Variants in MCF2L observed in about 807,000 individuals in gnomAD.
The protein encoded by MCF2L is MCF.2 cell line derived transforming sequence like.
MCF2L carries 97 observed loss-of-function variants against 153.4 expected under a neutral mutation model. That is an observed-to-expected ratio of 0.63 (90% CI 0.54 to 0.75). The LOEUF (loss-of-function observed/expected upper bound fraction) is 0.75. Among genes scored for constraint, MCF2L ranks in the 30% least tolerant of loss-of-function variants. MCF2L has a pLI of 0.00. For synonymous variants in MCF2L, 659 were observed against 632.2 expected (o/e 1.04, Z -0.64); for missense variants, 1,347 against 1,495.2 (o/e 0.90, Z 1.64).
intron 17 of MCF2L, among the ~76,000 whole-genome samples, chr13:113,082,938 G>A (rs1377316349): frequency 6.6e-6 from 1 of 152,140 alleles, no homozygotes; most frequent in African/African-American, 2.4e-5. Context: ...GTCACCGAAG[G>A]CCATACCACA....
chr13:112,896,777 G>T (rs999508841), intron 1 of MCF2L, among the ~76,000 whole-genome samples: 1 of 152,228 alleles, frequency 6.6e-6, no homozygotes, highest in Non-Finnish European at 1.5e-5. Flanking sequence ...CAGGTGCACG[G>T]CTCTGGGCTG....
chr13:113,023,952 C>T (rs955031142), intron 2 of MCF2L, among the ~76,000 whole-genome samples: 3 of 152,230 alleles, frequency 2.0e-5, no homozygotes, highest in Non-Finnish European at 4.4e-5. Flanking sequence ...TGTTCTGAGT[C>T]CCAAGCTCAC....
At position 113,087,714 on chromosome 13, in the gene MCF2L, C is replaced by T. The variant is rs1265393249; in HGVS notation, c.2603C>T (p.Ala868Val). Residue 868 changes from alanine to valine, a missense_variant, in exon 23 of 30, where the codon GCC becomes GTC. Transcript: ENST00000535094. Reference protein sequence around the residue: ...YSYKQSLNMAAVGITENVKGD... With the variant: ...YSYKQSLNMAVVGITENVKGD... ...TCCACTCTCTGCTCGCAGATGGCTG[C>T]CGTTGGCATTACGGAGAACGTGAAG... 6.2e-7 allele frequency: 1 copy of T among 1,613,820 alleles called. No homozygotes were observed. Among genetic ancestry groups the T allele is most frequent in the Non-Finnish European group, 8.5e-7 (1 of 1,179,832 alleles).
rs1050463553 is a variant in MCF2L at position 112,904,679 on chromosome 13, G to A, written c.169+2308G>A. 3.9e-5 allele frequency among the ~76,000 whole-genome samples: 6 copies of A among 152,226 alleles called. No individual in the cohort carries two copies. Among genetic ancestry groups the A allele is most frequent in the East Asian group, 3.8e-4 (2 of 5,198 alleles). ...AGATAATCTGCTTAGAGTTCTGAGC[G>A]GTGAAGCCCTTCTGGCTGTCCTTGC... On this transcript the variant is annotated intron_variant, in intron 2 of 29. Transcript: ENST00000375608. This position sits in a 1 kb window ranked among gnomAD's most constrained non-coding sequence, Gnocchi z 4.2.
chr13:112,942,320 C>T (rs545362329), intron 2 of MCF2L, among the ~76,000 whole-genome samples: 37 of 152,236 alleles, frequency 2.4e-4, no homozygotes, highest in African/African-American at 7.0e-4. Context: ...CTCTCTGCCT[C>T]GGCTGCCAGG....
At chr13:113,083,148 G>A (rs1566866087) in intron 17 of MCF2L, among the ~76,000 whole-genome samples, 1 of 152,150 alleles carries the variant, frequency 6.6e-6, no homozygotes, top group Non-Finnish European at 1.5e-5. Flanking sequence ...AAGGTGTAGG[G>A]TGCACACGCA....
chr13:113,043,663 G>C (rs2086637553), intron 3 of MCF2L: 1 of 152,280 alleles, frequency 6.6e-6, no homozygotes, highest in Non-Finnish European at 1.5e-5. Context: ...AAAGTGCTCA[G>C]ACTCAAGAAG....
intron 2 of MCF2L, among the ~76,000 whole-genome samples, chr13:113,019,915 G>T (rs1218221496): frequency 6.6e-6 from 1 of 152,226 alleles, no homozygotes; most frequent in African/African-American, 2.4e-5. Context: ...TACCTGGCCA[G>T]AGCTGTGAGA....
rs1372272246 is a variant in MCF2L at position 113,053,459 on chromosome 13, T to C, written c.370-7134T>C. On this transcript the variant is annotated intron_variant, in intron 4 of 29. Transcript: ENST00000535094. This position sits in a 1 kb window ranked among gnomAD's most constrained non-coding sequence, Gnocchi z 4.4. Reference sequence around the variant, plus strand: ...GCGGGAATCCTGGTGGGTGAGCTTCTGGGGCAGCCCGTGGAGGCCCAGGAT... The same window carrying C: ...GCGGGAATCCTGGTGGGTGAGCTTCCGGGGCAGCCCGTGGAGGCCCAGGAT... Among the ~76,000 whole-genome samples the C allele has an allele frequency of 6.6e-6, 1 of 152,232 alleles. No homozygotes were observed. Among genetic ancestry groups the C allele is most frequent in the Non-Finnish European group, 1.5e-5 (1 of 68,044 alleles).
chr13:112,957,142 T>C (rs1390168614), intron 2 of MCF2L: 1 of 150,798 alleles, frequency 6.6e-6, no homozygotes, highest in East Asian at 2.0e-4. Context: ...CCTGGAGAGC[T>C]CTAACTGAAC....
At chr13:113,052,404 T>C (rs1375421911) in intron 4 of MCF2L, 3 of 156,386 alleles carry the variant, frequency 1.9e-5, no homozygotes, top group Non-Finnish European at 4.4e-5. Context: ...AGCCAGGCCT[T>C]GCCGGTGAGA....
intron 1 of MCF2L, chr13:113,008,976 G>C (rs1418304899): frequency 7.0e-6 from 1 of 143,026 alleles, no homozygotes. Context: ...AGGGCTTGCG[G>C]GCGGGCGGGC....
chr13:112,930,174 A>G (rs975489450), intron 2 of MCF2L, among the ~76,000 whole-genome samples: 9 of 152,192 alleles, frequency 5.9e-5, no homozygotes. Context: ...CTTACCATAC[A>G]GTCCAGTGAT....
At chr13:113,065,826 T>A (rs936053916) in intron 7 of MCF2L, among the ~76,000 whole-genome samples, 1 of 152,180 alleles carries the variant, frequency 6.6e-6, no homozygotes, top group Non-Finnish European at 1.5e-5. Context: ...TGCCCTGTAA[T>A]GGCAGCTCTG....
chr13:112,958,214 G>A (rs1594383085), intron 2 of MCF2L: 1 of 152,406 alleles, frequency 6.6e-6, no homozygotes. Flanking sequence ...GAGATGCGTG[G>A]ACGTGCGTGG....
At chr13:112,933,420 C>T (rs1446346476) in intron 2 of MCF2L, among the ~76,000 whole-genome samples, 1 of 152,202 alleles carries the variant, frequency 6.6e-6, no homozygotes, top group Non-Finnish European at 1.5e-5. Flanking sequence ...GGCTTGATGG[C>T]CCCGTGGGTC....
chr13:112,940,367 T>C (rs561723856), intron 2 of MCF2L, among the ~76,000 whole-genome samples: 34 of 152,214 alleles, frequency 2.2e-4, no homozygotes, highest in Non-Finnish European at 4.9e-4. Flanking sequence ...ACGGGGAAGG[T>C]GCCCAGGCTT....
At chr13:113,092,628 C>T (rs2035314115) in intron 26 of MCF2L, among the ~76,000 whole-genome samples, 1 of 152,266 alleles carries the variant, frequency 6.6e-6, no homozygotes, top group African/African-American at 2.4e-5. Flanking sequence ...GGCTGTTTTA[C>T]AGAAAACAGA....
At chr13:113,084,650 C>G (rs1008904864) in intron 18 of MCF2L, 18 of 571,054 alleles carry the variant, frequency 3.2e-5, no homozygotes, top group African/African-American at 5.6e-5. Flanking sequence ...CGCCTGTGCT[C>G]TGGGAAGTCA....
Sources: allele counts gnomAD v4.1 joint callset (sites outside exome capture counted in the v4.1 genomes callset), GRCh38; gene constraint gnomAD v4.1.1; non-coding constraint Gnocchi (gnomAD v3.1); transcripts MANE v1.5; gene names NCBI Gene and HGNC (gene_info 2026-07-23, HGNC 2026-07-21).